The following LTBP4 variants were observed in gnomAD, a reference collection of about 807,000 sequenced individuals.
LTBP4 encodes the protein latent-transforming growth factor beta-binding protein 4.
Under a neutral mutation model 180.2 loss-of-function variants are expected in LTBP4, and 93 were observed. The observed-to-expected ratio is 0.52, with a 90% CI of 0.44 to 0.61. LTBP4 has a LOEUF of 0.61. LTBP4 is among the 20% of genes least tolerant of loss of function. The pLI is 0.00. For synonymous variants in LTBP4, 947 were observed against 934.5 expected, an observed-to-expected ratio of 1.01 and a Z score of -0.24; for missense variants, 2,116 against 2,256.5, an observed-to-expected ratio of 0.94 and a Z score of 1.26.
At chr19:40,599,687 A>G (rs1314219702), upstream of LTBP4, 4 of 823,020 alleles carry the variant, frequency 4.9e-6, 1 homozygote, top group South Asian at 3.2e-5. Context: ...TTTTGCTATC[A>G]GCCTGTCTGT....
Position 40,623,646 on chromosome 19 carries a change from G to A in LTBP4, c.3599G>A (p.Ser1200Asn), listed in dbSNP as rs777648665. The A allele has an allele frequency of 1.3e-5, 21 of 1,613,886 alleles. No homozygotes were observed. The South Asian group carries it at 2.1e-4, about 16-fold the overall frequency. Residue 1200 changes from serine (S) to asparagine (N), a missense_variant, in exon 25 of 30, where the codon AGT (serine) becomes AAT (asparagine). This residue lies in a region of LTBP4 where 278 missense variants were observed against 373.0 expected (regional missense o/e 0.75). Coordinates refer to ENST00000396819, the MANE Select transcript of LTBP4 (RefSeq NM_001042545.2). ...CTCTTCCGAGACCAGGTGTGCAAGA[G>A]TGGCGTGTGTGTGAACACGGCCCCG... The part of the protein sequence containing the change: ...CQLFRDQVCK[S>N]GVCVNTAPGY...
At chr19:40,625,018 A>G (rs1467060104) in intron 26 of LTBP4, among the ~76,000 whole-genome samples, 8 of 148,778 alleles carry the variant, frequency 5.4e-5, no homozygotes, top group Admixed American at 4.7e-4. Flanking sequence ...CTATTTTCCT[A>G]TCTCTAGGCC....
rs2081621739 is a variant in LTBP4, at chr19:40,625,289, TATA to T, written c.3833-567_3833-565del. On this transcript the variant is annotated intron_variant, in intron 26 of 29. Transcript: ENST00000396819. ...ATATATATATATATATATATATATATATATATATATATATATATATATATATAT... is the reference window on the plus strand; with the variant it reads ...ATATATATATATATATATATATATATTATATATATATATATATATATATAT... Among the ~76,000 whole-genome samples the T allele has an allele frequency of 1.9e-4, 2 of 10,474 alleles. 1 individual carries two copies. Among genetic ancestry groups the T allele is most frequent in the Admixed American group, 1.7e-3 (2 of 1,186 alleles). 6.9% of individuals were successfully genotyped at this position (10,474 alleles called of 152,430 possible). A position where few individuals can be genotyped will look rare whatever the true frequency, so the allele number is the denominator to read the frequency against.
chr19:40,606,615 A>C (rs1289319356), intron 6 of LTBP4, 89 bp downstream of exon 6: 27 of 1,460,846 alleles, frequency 1.8e-5, no homozygotes, highest in Non-Finnish European at 2.1e-5. Flanking sequence ...ATTCCCTCGG[A>C]CCCCCCCAGA....
Position 40,629,523 on chromosome 19 carries a change from C to T in LTBP4, c.4647C>T (p.His1549=). 6.3e-7 allele frequency: 1 copy of T among 1,580,102 alleles called. No individual in the cohort carries two copies. The highest frequency in any genetic ancestry group is 8.6e-7 in the Non-Finnish European group (1 of 1,160,574). Residue 1549 remains histidine, a synonymous_variant, in exon 30 of 30, where the codon CAC becomes CAT. Coordinates refer to ENST00000396819, the MANE Select transcript of LTBP4 (RefSeq NM_001042545.2). The surrounding 1 kb of genome is among the most constrained non-coding windows in gnomAD (Gnocchi z 4.5). ...PGFAPTHQPH[H]CAPARPRA is the part of the protein sequence containing the mutation. ...TCGCACCCACGCACCAGCCGCACCA[C>T]TGTGCGCCCGCACGGCCCCGGGCCT...
In LTBP4 at chr19:40,618,064, C is replaced by CT. The variant is rs796548850; in HGVS notation, c.3070+851dup. The stretch of plus-strand genomic sequence containing the variant: ...TTACCAATGTATTCTTCTCTTCTCT[C>CT]TTTTTTTTTTTTACTTTGAGGTGGG... On this transcript the variant is annotated intron_variant, in intron 21 of 29. Coordinates refer to ENST00000396819, the MANE Select transcript of LTBP4 (RefSeq NM_001042545.2). Among the ~76,000 whole-genome samples the CT allele has an allele frequency of 7.0e-3, 1,013 of 145,742 alleles. 14 individuals are homozygous for CT. The highest frequency in any genetic ancestry group is 0.023 in the African/African-American group (908 of 39,864).
intron 1 of LTBP4, among the ~76,000 whole-genome samples, chr19:40,602,585 C>T (rs921125496): frequency 6.6e-6 from 1 of 152,190 alleles, no homozygotes; most frequent in Non-Finnish European, 1.5e-5. Flanking sequence ...TCCCCTTCCT[C>T]CCTCTTTCTT....
In LTBP4 at chr19:40,605,491, T is replaced by C. The variant is rs1483099804; in HGVS notation, c.529T>C (p.Trp177Arg). The C allele has an allele frequency of 1.1e-5, 17 of 1,611,418 alleles. No individual in the cohort carries two copies. The highest frequency in any genetic ancestry group is 1.4e-5 in the Non-Finnish European group (17 of 1,179,464). The change falls in exon 3 of 30, where the codon TGG becomes CGG. Residue 177 changes from tryptophan (W) to arginine (R), a missense_variant. By Grantham distance (101) the Trp-to-Arg change is moderately radical. Coordinates refer to ENST00000396819, the MANE Select transcript of LTBP4 (RefSeq NM_001042545.2). The surrounding 1 kb of genome is among the most constrained non-coding windows in gnomAD (Gnocchi z 5.5). The stretch of plus-strand genomic sequence containing the variant: ...CCAGGTGGAGCGTGTGTCTGGCCCT[T>C]GGGAGGAGGCGGACGCTGAGGCGGT... ...VHQVERVSGPWEEADAEAVAR... is the reference protein window; with the variant it reads ...VHQVERVSGPREEADAEAVAR...
intron 1 of LTBP4, chr19:40,593,284 C>A (rs1225229079): frequency 7.1e-7 from 1 of 1,415,818 alleles, no homozygotes; most frequent in Non-Finnish European, 9.9e-7. Context: ...GCTTTGTTGC[C>A]CGGGCTAGGG....
chr19:40,621,968 C>T (rs757712502), intron 22 of LTBP4, among the ~76,000 whole-genome samples: 3 of 152,144 alleles, frequency 2.0e-5, no homozygotes, highest in African/African-American at 4.8e-5. Context: ...AGGCTGGTCT[C>T]GAACTCCTGA....
rs1350407738 is a variant in LTBP4 at position 40,622,639 on chromosome 19, C to T, written c.3456C>T (p.Arg1152=). The T allele has an allele frequency of 1.2e-6, 2 of 1,607,186 alleles. No homozygotes were observed. Among genetic ancestry groups the T allele is most frequent in the South Asian group, 1.1e-5 (1 of 90,814 alleles). ...GTGAGGGCTGGGGCAGCGGCTGCCG[C>T]ATCCAGCAGTGCCCGGGCACCGAGA... ...TVGEGWGSGC[R]IQQCPGTETA... Residue 1152 remains arginine, a synonymous_variant, in exon 23 of 30, where the codon CGC becomes CGT. Coordinates refer to ENST00000396819, the MANE Select transcript of LTBP4 (RefSeq NM_001042545.2). This position sits in a 1 kb window ranked among gnomAD's most constrained non-coding sequence, Gnocchi z 5.1.
chr19:40,609,508 C>T lies in LTBP4; in HGVS notation c.1427-22C>T. 1 of 1,607,936 alleles carries T rather than the reference C, an allele frequency of 6.2e-7. No homozygotes were observed. The highest frequency in any genetic ancestry group is 1.1e-5 in the South Asian group (1 of 90,990). The stretch of plus-strand genomic sequence containing the variant: ...ACGGAGGATTCAGAGATGGGGGAAC[C>T]CTGGCTGACTGGACCCCCCAGGTCC... On this transcript the variant is annotated intron_variant, in intron 9 of 29. Coordinates refer to ENST00000396819, the MANE Select transcript of LTBP4 (RefSeq NM_001042545.2). This position sits in a 1 kb window ranked among gnomAD's most constrained non-coding sequence, Gnocchi z 4.9.
At chr19:40,614,110 T>C in intron 18 of LTBP4, 72 bp downstream of exon 18, 1 of 1,586,530 alleles carries the variant, frequency 6.3e-7, no homozygotes, top group Non-Finnish European at 8.6e-7. Flanking sequence ...CTCCCACCTC[T>C]GTCTTTCCTC....
intron 22 of LTBP4, among the ~76,000 whole-genome samples, 153 bp downstream of exon 22, chr19:40,619,646 T>A (rs1181741981): frequency 2.6e-5 from 4 of 152,366 alleles, no homozygotes; most frequent in South Asian, 4.1e-4. Flanking sequence ...GTAGTGAGAC[T>A]GTGTCAGGAG....
chr19:40,624,177 G>A (rs1599877397), intron 26 of LTBP4, 95 bp downstream of exon 26: 2 of 1,383,686 alleles, frequency 1.4e-6, no homozygotes, highest in East Asian at 2.5e-5. Flanking sequence ...GCCCTCCGAA[G>A]GCCACGCCCC....
At chr19:40,593,744 T>C (rs949806963) in intron 1 of LTBP4, among the ~76,000 whole-genome samples, 1 of 151,918 alleles carries the variant, frequency 6.6e-6, no homozygotes. Flanking sequence ...CTCGTGTTGC[T>C]GAAATGCTGG....
chr19:40,599,336 T>G, upstream of LTBP4: 1 of 1,610,710 alleles, frequency 6.2e-7, no homozygotes, highest in Non-Finnish European at 8.5e-7. Flanking sequence ...ATCCCTCCCC[T>G]CATCCCAGTG....
At position 40,616,994 on chromosome 19, in the gene LTBP4, AG is replaced by A. The variant is rs779966682; in HGVS notation, c.2919del (p.Gln973HisfsTer53). 4 of 1,613,650 alleles carry A rather than the reference AG, an allele frequency of 2.5e-6. No homozygotes were observed. The South Asian group carries it at 4.4e-5, about 18-fold the overall frequency. ...ACACCAGCCTGTGACCCTGGCTATC[AG>A]CCCACGCCAGGGGGCGGATGCCAGG... ...RCTPACDPGY[Q>X]PTPGGGCQDV... On this transcript the variant is annotated frameshift_variant, in exon 20 of 30. Transcript: ENST00000396819. LOFTEE classifies it high-confidence loss of function.
rs746377786 is a variant in LTBP4 at position 40,614,317 on chromosome 19, G to A, written c.2683G>A (p.Val895Met). Residue 895 changes from valine to methionine, a missense_variant and splice_region_variant, in exon 19 of 30, where the codon GTG (valine) becomes ATG (methionine). Coordinates refer to ENST00000396819, the MANE Select transcript of LTBP4 (RefSeq NM_001042545.2). ...AGPDLASCLD[V>M]DECRERGPAL... ...GACCACCCGACCTCTCTCCTCAGAC[G>A]TGGACGAATGTCGCGAGCGAGGCCC... is the stretch of plus-strand genomic sequence containing the variant. 5.6e-6 allele frequency: 9 copies of A among 1,598,670 alleles called. No homozygotes were observed. Among genetic ancestry groups the A allele is most frequent in the African/African-American group, 2.7e-5 (2 of 74,760 alleles).
Sources: allele counts gnomAD v4.1 joint callset (sites outside exome capture counted in the v4.1 genomes callset), GRCh38; gene constraint gnomAD v4.1.1; regional missense constraint gnomAD v4.1.1; non-coding constraint Gnocchi (gnomAD v3.1); transcripts MANE v1.5; gene names NCBI Gene and HGNC (gene_info 2026-07-23, HGNC 2026-07-21).